The following RERE variants were observed in gnomAD, a reference collection of about 807,000 sequenced individuals.
RERE encodes the protein arginine-glutamic acid dipeptide repeats.
A neutral mutation model predicts 146.1 loss-of-function variants in RERE; 40 were observed. That is an observed-to-expected ratio of 0.27 (90% CI 0.21 to 0.36). The LOEUF (loss-of-function observed/expected upper bound fraction) is 0.36, where lower values mean the gene tolerates loss of function less well. Ranked by LOEUF, RERE falls within the 10% of genes least tolerant of loss-of-function variation. RERE has a pLI of 1.00. For synonymous variants in RERE, 1,003 were observed against 866.0 expected (o/e 1.16, Z -2.78); for missense variants, 1,933 against 2,138.7 (o/e 0.90, Z 1.90).
intron 4 of RERE, among the ~76,000 whole-genome samples, chr1:8,567,027 G>GATCCGCCTGACTCGGCCTCCCA (rs1646161355): frequency 6.6e-6 from 1 of 152,126 alleles, no homozygotes; most frequent in Non-Finnish European, 1.5e-5. Context: ...CAGACCTCGT[G>GATCCGCCTGACTCGGCCTCCCA]ATCCGCCTGA....
In RERE at chr1:8,361,298, G is replaced by C; in HGVS notation, c.2209C>G (p.Gln737Glu). ...GTGGGAGCCTGCAAGGCTGGGGGCTGGGCCTGCAGCATCTGCTGCTGGGCT... is the reference window on the plus strand; with the variant it reads ...GTGGGAGCCTGCAAGGCTGGGGGCTCGGCCTGCAGCATCTGCTGCTGGGCT... Reference protein sequence around the residue: ...SSAQQQMLQAQPPALQAPTGV... With the variant: ...SSAQQQMLQAEPPALQAPTGV... Residue 737 changes from glutamine to glutamate, a missense_variant, in exon 18 of 23, where the codon CAG (glutamine) becomes GAG (glutamate). Gln to Glu is a conservative substitution (Grantham distance 29). This residue lies in a region of RERE where 1,255 missense variants were observed against 1,153.8 expected (regional missense o/e 1.09). Coordinates refer to ENST00000400908, the MANE Select transcript of RERE (RefSeq NM_001042681.2). The C allele has an allele frequency of 1.2e-6, 2 of 1,607,536 alleles. No individual in the cohort carries two copies. Among genetic ancestry groups the C allele is most frequent in the South Asian group, 2.2e-5 (2 of 90,358 alleles).
At chr1:8,402,815 T>C (rs1462817216) in intron 12 of RERE, among the ~76,000 whole-genome samples, 2 of 152,206 alleles carry the variant, frequency 1.3e-5, no homozygotes, top group East Asian at 3.8e-4. Flanking sequence ...AAAGATTTGT[T>C]AATTAAATAT....
intron 8 of RERE, among the ~76,000 whole-genome samples, chr1:8,498,769 A>ACACACACACACACG (rs59487577): frequency 7.2e-6 from 1 of 139,038 alleles, no homozygotes; most frequent in African/African-American, 3.3e-5. Flanking sequence ...ACACACACAC[A>ACACACACACACACG]TATGTAGTTG....
At chr1:8,482,954 T>C (rs1644855151) in intron 10 of RERE, among the ~76,000 whole-genome samples, 1 of 152,256 alleles carries the variant, frequency 6.6e-6, no homozygotes, top group Admixed American at 6.5e-5. Flanking sequence ...CTCAACTGCG[T>C]GATCTTTTTC....
At chr1:8,422,666 T>C (rs936050185) in intron 12 of RERE, 61 bp downstream of exon 12, 1 of 1,217,388 alleles carries the variant, frequency 8.2e-7, no homozygotes, top group African/African-American at 1.5e-5. Context: ...AGATCAAATG[T>C]GGAGAGGCAG....
chr1:8,356,114 C>T lies in RERE; in HGVS notation c.4472G>A (p.Arg1491His), dbSNP rs1281745749. Residue 1491 changes from arginine (R) to histidine (H), a missense_variant, in exon 21 of 23, where the codon CGC becomes CAC. This residue lies in a region of RERE where 133 missense variants were observed against 168.6 expected (regional missense o/e 0.79). Coordinates refer to ENST00000400908, the MANE Select transcript of RERE (RefSeq NM_001042681.2). This position sits in a 1 kb window ranked among gnomAD's most constrained non-coding sequence, Gnocchi z 5.2. The stretch of plus-strand genomic sequence containing the variant: ...GGAAGTCTTACCGAAAACTGGGTGG[C>T]GAAGCATCTCGTGCTCGTGTGGGGG... ...GQPPHEHEMLRHPVFGTPYPR... is the reference protein window; with the variant it reads ...GQPPHEHEMLHHPVFGTPYPR... The T allele has an allele frequency of 2.0e-6, 3 of 1,501,878 alleles. No individual in the cohort carries two copies. The highest frequency in any genetic ancestry group is 1.3e-5 in the South Asian group (1 of 76,152). The allele number at this position is 1,501,878 out of a possible 1,614,324, so 93.0% of individuals were successfully genotyped here. A position where few individuals can be genotyped will look rare whatever the true frequency, so the allele number is the denominator to read the frequency against.
chr1:8,681,065 G>A (rs1473231195), intron 1 of RERE, among the ~76,000 whole-genome samples: 3 of 152,120 alleles, frequency 2.0e-5, no homozygotes, highest in East Asian at 1.9e-4. Flanking sequence ...TCGAGGTCCC[G>A]GGAAACAAAT....
chr1:8,697,915 C>T (rs1473640787), intron 1 of RERE, among the ~76,000 whole-genome samples: 1 of 151,740 alleles, frequency 6.6e-6, no homozygotes, highest in East Asian at 1.9e-4. Flanking sequence ...TATTGAAAGG[C>T]CTGTCTTTTT....
At chr1:8,533,169 C>T (rs1353431725) in intron 7 of RERE, among the ~76,000 whole-genome samples, 1 of 148,844 alleles carries the variant, frequency 6.7e-6, no homozygotes, top group Non-Finnish European at 1.5e-5. Context: ...GATGTAATGG[C>T]CATCACTACA....
At chr1:8,467,272 G>A (rs1337648023) in intron 10 of RERE, among the ~76,000 whole-genome samples, 1 of 152,186 alleles carries the variant, frequency 6.6e-6, no homozygotes, top group African/African-American at 2.4e-5. Flanking sequence ...TTCAAGACAT[G>A]TAAAGAATAA....
chr1:8,732,769 T>G (rs890947681), intron 1 of RERE, among the ~76,000 whole-genome samples: 17 of 150,928 alleles, frequency 1.1e-4, no homozygotes, highest in Admixed American at 2.0e-4. Flanking sequence ...TGTGTGTGTG[T>G]GGGAACTACT....
At chr1:8,377,116 T>C in intron 12 of RERE, among the ~76,000 whole-genome samples, 1 of 152,180 alleles carries the variant, frequency 6.6e-6, no homozygotes, top group East Asian at 1.9e-4. Flanking sequence ...AACCACTCAT[T>C]TGAAGGCAAA....
chr1:8,615,883 T>C lies in RERE; in HGVS notation c.397-1197A>G, dbSNP rs571104428. 3.1e-4 allele frequency among the ~76,000 whole-genome samples: 47 copies of C among 151,348 alleles called. 1 individual carries two copies. In the South Asian group the frequency reaches 9.9e-3, roughly 32 times the overall value. ...TCATTTTCTTTTCTTTTTCTAAAGA[T>C]GACCATCTAGAGTACATCCTGGGAT... On this transcript the variant is annotated intron_variant, in intron 3 of 22. Coordinates refer to ENST00000400908, the MANE Select transcript of RERE (RefSeq NM_001042681.2).
At chr1:8,520,753 T>TAAAAAAA (rs368609572) in intron 7 of RERE, among the ~76,000 whole-genome samples, 4 of 78,162 alleles carry the variant, frequency 5.1e-5, no homozygotes, top group Non-Finnish European at 4.9e-5. Flanking sequence ...AAAAAACTTT[T>TAAAAAAA]TAAAAAAAAA....
intron 2 of RERE, among the ~76,000 whole-genome samples, chr1:8,625,222 G>T (rs1167255087): frequency 6.6e-6 from 1 of 152,078 alleles, no homozygotes; most frequent in African/African-American, 2.4e-5. Context: ...GCCACCCGAA[G>T]TGTCAGGATT....
chr1:8,727,432 G>T (rs970377486), intron 1 of RERE, among the ~76,000 whole-genome samples: 1 of 152,158 alleles, frequency 6.6e-6, no homozygotes, highest in Non-Finnish European at 1.5e-5. Flanking sequence ...GTGAGCCACC[G>T]CATCTGGCTA....
intron 4 of RERE, among the ~76,000 whole-genome samples, chr1:8,595,436 A>G (rs7523186): frequency 0.22 from 33,784 of 151,822 alleles, 3,897 homozygotes; most frequent in Middle Eastern, 0.27. Context: ...AGAAAAATTC[A>G]GACAAACTTT....
At chr1:8,769,848 G>A (rs1238729865) in intron 1 of RERE, among the ~76,000 whole-genome samples, 1 of 151,720 alleles carries the variant, frequency 6.6e-6, no homozygotes, top group African/African-American at 2.4e-5. Context: ...GAGTGCAGTG[G>A]CACAATCTCA....
rs569338159 is a variant in RERE, at chr1:8,610,960, C to T, written c.522+3601G>A. ...GTGTAATCCCAGCACTTTGGGAGGC[C>T]TAGGTGGGGGGATCATGAGGTCAGG... On this transcript the variant is annotated intron_variant, in intron 4 of 22. Transcript: ENST00000400908. Among the ~76,000 whole-genome samples the T allele has an allele frequency of 6.6e-5, 10 of 151,300 alleles. No homozygotes were observed. In the South Asian group the frequency reaches 2.1e-3, roughly 32 times the overall value.
Sources: allele counts gnomAD v4.1 joint callset (sites outside exome capture counted in the v4.1 genomes callset), GRCh38; gene constraint gnomAD v4.1.1; regional missense constraint gnomAD v4.1.1; non-coding constraint Gnocchi (gnomAD v3.1); transcripts MANE v1.5; gene names NCBI Gene and HGNC (gene_info 2026-07-23, HGNC 2026-07-21).